The following SGCD variants were observed in gnomAD, a reference collection of about 807,000 sequenced individuals.
The protein encoded by SGCD is delta-sarcoglycan.
Under a neutral mutation model 36.6 loss-of-function variants are expected in SGCD, and 18 were observed. The ratio of observed to expected loss-of-function variants is 0.49; its 90% CI spans 0.34 to 0.73. The LOEUF (loss-of-function observed/expected upper bound fraction) is 0.73. Among genes scored for constraint, SGCD ranks in the 30% least tolerant of loss-of-function variants. The probability of loss-of-function intolerance (pLI) is 0.01; values close to 1 mark genes in which losing one functional copy is unlikely to be tolerated. For synonymous variants in SGCD, 133 were observed against 130.6 expected (o/e 1.02, Z -0.12); for missense variants, 387 against 346.7 (o/e 1.12, Z -0.92).
intron 1 of SGCD, among the ~76,000 whole-genome samples, chr5:156,045,682 G>T (rs1181182856): frequency 6.6e-6 from 1 of 152,126 alleles, no homozygotes; most frequent in African/African-American, 2.4e-5. Context: ...GTAGATAGCT[G>T]CCCTCTCACT....
intron 1 of SGCD, among the ~76,000 whole-genome samples, chr5:156,073,539 G>A (rs1025760767): frequency 1.3e-5 from 2 of 152,114 alleles, no homozygotes; most frequent in African/African-American, 2.4e-5. Context: ...CTCTAGCCTG[G>A]GTGACACAGT....
chr5:156,317,630 A>G (rs1313557862), intron 3 of SGCD, among the ~76,000 whole-genome samples: 1 of 152,168 alleles, frequency 6.6e-6, no homozygotes, highest in African/African-American at 2.4e-5. Flanking sequence ...AAATCTTTCC[A>G]AAACCCCAAA....
rs563504748 is a variant in SGCD, at chr5:156,739,104, T to C, written c.576-18477T>C. Among the ~76,000 whole-genome samples the C allele has an allele frequency of 1.6e-4, 24 of 152,316 alleles. 1 individual carries two copies. Among genetic ancestry groups the C allele is most frequent in the Admixed American group, 8.5e-4 (13 of 15,290 alleles). Reference sequence around the variant, plus strand: ...ATCTAAAAGGTAACATAACAAAATATGGCCCTAGCATCATATTTTTTTTTC... The same window carrying C: ...ATCTAAAAGGTAACATAACAAAATACGGCCCTAGCATCATATTTTTTTTTC... On this transcript the variant is annotated intron_variant, in intron 7 of 8. Transcript: ENST00000337851.
intron 1 of SGCD, among the ~76,000 whole-genome samples, chr5:156,009,170 GAC>G (rs1255268485): frequency 6.6e-6 from 1 of 152,156 alleles, no homozygotes. Flanking sequence ...AACATTTATT[GAC>G]ACAGTGATGT....
intron 6 of SGCD, among the ~76,000 whole-genome samples, chr5:156,611,621 A>G (rs1488787699): frequency 6.6e-6 from 1 of 152,100 alleles, no homozygotes; most frequent in Non-Finnish European, 1.5e-5. Flanking sequence ...TGCTTCCTGG[A>G]TCTTTGTAGA....
the SGCD span, among the ~76,000 whole-genome samples, chr5:155,812,641 A>G: frequency 2.0e-5 from 3 of 152,328 alleles, no homozygotes; most frequent in South Asian, 6.2e-4. Flanking sequence ...AGTTCACCTC[A>G]ACACTGGAAA....
chr5:155,759,091 C>G, the SGCD span, among the ~76,000 whole-genome samples: 25 of 152,050 alleles, frequency 1.6e-4, no homozygotes, highest in Non-Finnish European at 2.9e-4. Context: ...ATCCTCCTGC[C>G]TTGGCCTCCC....
intron 3 of SGCD, among the ~76,000 whole-genome samples, chr5:156,261,895 CA>C (rs1232347978): frequency 1.3e-5 from 2 of 151,968 alleles, no homozygotes; most frequent in Non-Finnish European, 2.9e-5. Context: ...AATTTAAAAA[CA>C]AAAGCTTACA....
At chr5:156,434,674 A>G (rs921824387) in intron 3 of SGCD, among the ~76,000 whole-genome samples, 1 of 152,110 alleles carries the variant, frequency 6.6e-6, no homozygotes, top group African/African-American at 2.4e-5. Context: ...GCCACAGAAA[A>G]CCAAATTAGC....
intron 3 of SGCD, among the ~76,000 whole-genome samples, chr5:156,352,473 G>C (rs1304854253): frequency 1.3e-5 from 2 of 152,186 alleles, no homozygotes; most frequent in African/African-American, 4.8e-5. Context: ...TGTGTTAACT[G>C]TAGATTGCCT....
intron 3 of SGCD, among the ~76,000 whole-genome samples, chr5:156,251,258 C>T (rs1765570055): frequency 6.6e-6 from 1 of 152,096 alleles, no homozygotes; most frequent in African/African-American, 2.4e-5. Flanking sequence ...AATCTGGAAA[C>T]ATTTTGGTTG....
At chr5:156,228,095 G>A (rs1045828847) in intron 3 of SGCD, among the ~76,000 whole-genome samples, 1 of 152,096 alleles carries the variant, frequency 6.6e-6, no homozygotes, top group Non-Finnish European at 1.5e-5. Flanking sequence ...TCCATGTGCT[G>A]TTGAATAGAA....
At chr5:156,582,075 T>G (rs6860238) in intron 4 of SGCD, among the ~76,000 whole-genome samples, 16,302 of 152,172 alleles carry the variant, frequency 0.11, 1,180 homozygotes, top group African/African-American at 0.21. Context: ...GGGCTCAATT[T>G]TTTTTTAATT....
intron 3 of SGCD, among the ~76,000 whole-genome samples, chr5:156,463,219 T>C (rs975602074): frequency 5.9e-5 from 9 of 152,124 alleles, no homozygotes; most frequent in Non-Finnish European, 8.8e-5. Flanking sequence ...TTTTGTATTT[T>C]TTTTAGGAGA....
intron 3 of SGCD, among the ~76,000 whole-genome samples, chr5:156,452,441 T>C (rs1241724122): frequency 6.6e-6 from 1 of 152,168 alleles, no homozygotes; most frequent in Non-Finnish European, 1.5e-5. Flanking sequence ...CCACACTTAA[T>C]AGGCTTTTCA....
At chr5:155,735,849 C>G in the SGCD span, among the ~76,000 whole-genome samples, 1 of 152,100 alleles carries the variant, frequency 6.6e-6, no homozygotes, top group East Asian at 1.9e-4. Flanking sequence ...AGTTTTCAAA[C>G]AAGAAAATGT....
chr5:156,303,193 C>T (rs1482603077), intron 3 of SGCD, among the ~76,000 whole-genome samples: 1 of 152,150 alleles, frequency 6.6e-6, no homozygotes. Context: ...AGCATCAAGA[C>T]AAAGTCCTTC....
chr5:156,231,794 T>G (rs972241096), intron 3 of SGCD, among the ~76,000 whole-genome samples: 1 of 152,164 alleles, frequency 6.6e-6, no homozygotes, highest in Non-Finnish European at 1.5e-5. Context: ...AGGACTCATG[T>G]ATAACATAGA....
intron 1 of SGCD, among the ~76,000 whole-genome samples, chr5:155,950,579 A>C (rs1219398046): frequency 6.6e-6 from 1 of 152,200 alleles, no homozygotes; most frequent in African/African-American, 2.4e-5. Flanking sequence ...TGGATGGGAA[A>C]TTTCAGATAT....
Sources: gnomAD v4.1 joint callset for allele counts (sites outside exome capture counted in the v4.1 genomes callset) on GRCh38, gnomAD v4.1.1 for gene constraint, MANE v1.5 for transcripts, NCBI Gene and HGNC (gene_info 2026-07-23, HGNC 2026-07-21) for gene names.